The following SPATA13 variants were observed in gnomAD, a reference collection of about 807,000 sequenced individuals.
SPATA13 encodes the protein spermatogenesis-associated protein 13.
A neutral mutation model predicts 104.0 loss-of-function variants in SPATA13; 50 were observed. That is an observed-to-expected ratio of 0.48 (90% CI 0.38 to 0.61). SPATA13 has a LOEUF of 0.61. Ranked by LOEUF, SPATA13 falls within the 20% of genes least tolerant of loss-of-function variation. SPATA13 has a pLI of 0.00. For synonymous variants in SPATA13, 606 were observed against 667.5 expected, an observed-to-expected ratio of 0.91 and a Z score of 1.42; for missense variants, 1,524 against 1,690.6, an observed-to-expected ratio of 0.90 and a Z score of 1.73.
At chr13:24,295,368 T>C (rs1876696025) in intron 10 of SPATA13, among the ~76,000 whole-genome samples, 1 of 152,138 alleles carries the variant, frequency 6.6e-6, no homozygotes, top group Non-Finnish European at 1.5e-5. Flanking sequence ...CCCAGCACTT[T>C]GGGAGGCCAA....
chr13:24,110,846 G>C (rs1281547349), intron 3 of SPATA13, among the ~76,000 whole-genome samples: 4 of 152,152 alleles, frequency 2.6e-5, no homozygotes, highest in African/African-American at 4.8e-5. Flanking sequence ...TAAACACCAA[G>C]GTTTTTGGAC....
chr13:24,201,851 C>G (rs1168038769), intron 1 of SPATA13, among the ~76,000 whole-genome samples: 1 of 152,182 alleles, frequency 6.6e-6, no homozygotes, highest in Non-Finnish European at 1.5e-5. Context: ...TGTGCTTCAC[C>G]TGTTCACTTC....
At chr13:24,007,349 G>A (rs1016358475) in intron 2 of SPATA13, among the ~76,000 whole-genome samples, 1 of 152,228 alleles carries the variant, frequency 6.6e-6, no homozygotes, top group African/African-American at 2.4e-5. Flanking sequence ...GTGAGTGGGT[G>A]TCATGTCTGT....
intron 3 of SPATA13, among the ~76,000 whole-genome samples, chr13:24,127,762 T>TGA (rs1330373445): frequency 3.3e-5 from 5 of 152,222 alleles, no homozygotes; most frequent in Admixed American, 1.3e-4. Flanking sequence ...TACTGACTTG[T>TGA]GAGCAAGTTT....
chr13:24,064,081 C>T (rs543058209), intron 3 of SPATA13, among the ~76,000 whole-genome samples: 15 of 152,314 alleles, frequency 9.8e-5, no homozygotes, highest in African/African-American at 3.6e-4. Flanking sequence ...TGCCTGCCTA[C>T]CCTTCCAGCA....
chr13:24,304,447 G>A lies in SPATA13; in HGVS notation c.*1674G>A, dbSNP rs1322685485. 1 of 151,678 alleles carries A rather than the reference G, an allele frequency of 6.6e-6. No homozygotes were observed. Among genetic ancestry groups the A allele is most frequent in the Non-Finnish European group, 1.5e-5 (1 of 67,986 alleles). 9.4% of individuals were successfully genotyped at this position (151,678 alleles called of 1,614,324 possible). A position where few individuals can be genotyped will look rare whatever the true frequency, so the allele number is the denominator to read the frequency against. On this transcript the variant is annotated 3_prime_UTR_variant, in exon 13 of 13. Transcript: ENST00000382108. ...CTATATGAGAAGCTCATTTTTGTAT[G>A]CTATCCCTGCAGTTTTTTTTTTTCT...
intron 3 of SPATA13, among the ~76,000 whole-genome samples, chr13:24,061,460 A>C (rs1878769057): frequency 6.6e-6 from 1 of 152,242 alleles, no homozygotes; most frequent in Non-Finnish European, 1.5e-5. Context: ...GAGACATGGA[A>C]TCAATCTAAA....
At chr13:24,165,161 C>T (rs1488280832) in intron 1 of SPATA13, among the ~76,000 whole-genome samples, 1 of 152,188 alleles carries the variant, frequency 6.6e-6, no homozygotes, top group African/African-American at 2.4e-5. Context: ...GACCTGACTT[C>T]TTGGTGAGCA....
At chr13:24,299,205 C>T (rs1055269303) in intron 11 of SPATA13, among the ~76,000 whole-genome samples, 2 of 152,136 alleles carry the variant, frequency 1.3e-5, no homozygotes, top group African/African-American at 2.4e-5. Flanking sequence ...TTCCCAAAGA[C>T]GGCACTATTT....
At chr13:24,049,307 G>A (rs1219026933) in intron 3 of SPATA13, among the ~76,000 whole-genome samples, 1 of 152,184 alleles carries the variant, frequency 6.6e-6, no homozygotes, top group Non-Finnish European at 1.5e-5. Context: ...ACATTTGGGT[G>A]TGTTTAGATG....
chr13:24,173,118 T>C (rs866190758), intron 1 of SPATA13, among the ~76,000 whole-genome samples: 1 of 152,108 alleles, frequency 6.6e-6, no homozygotes, highest in Non-Finnish European at 1.5e-5. Flanking sequence ...TGCTCCGTCA[T>C]CCAGGCTGGA....
chr13:24,128,150 G>T (rs541132150), intron 3 of SPATA13, among the ~76,000 whole-genome samples: 35 of 152,314 alleles, frequency 2.3e-4, no homozygotes, highest in African/African-American at 8.4e-4. Context: ...TTCGGAGGAA[G>T]AAAGCACCTT....
At chr13:24,269,098 G>A (rs931162397) in intron 4 of SPATA13, among the ~76,000 whole-genome samples, 2 of 152,120 alleles carry the variant, frequency 1.3e-5, no homozygotes, top group African/African-American at 2.4e-5. Context: ...GCAGCGTGAC[G>A]GCTAACATTT....
chr13:24,160,628 C>T (rs1882428516), upstream of SPATA13: 3 of 772,420 alleles, frequency 3.9e-6, no homozygotes, highest in Non-Finnish European at 3.1e-6. Flanking sequence ...AGGGAGTGAG[C>T]TAACCGGGGG....
chr13:24,093,534 C>A (rs1879974300), intron 3 of SPATA13, among the ~76,000 whole-genome samples: 1 of 152,114 alleles, frequency 6.6e-6, no homozygotes, highest in Non-Finnish European at 1.5e-5. Context: ...TGATACACCC[C>A]AAAAACAGCT....
chr13:24,288,915 A>G, intron 7 of SPATA13, 84 bp from the exon 8 acceptor site: 7 of 1,221,196 alleles, frequency 5.7e-6, no homozygotes, highest in Non-Finnish European at 7.9e-6. Flanking sequence ...TTCCAAGTTC[A>G]TGGCTTTAGG....
chr13:24,300,290 T>A, intron 11 of SPATA13, 111 bp from the exon 12 acceptor site: 1 of 736,968 alleles, frequency 1.4e-6, no homozygotes, highest in Non-Finnish European at 2.2e-6. Context: ...TAAGGTTCTC[T>A]GTCTCAGGTT....
intron 9 of SPATA13, 139 bp from the exon 10 acceptor site, chr13:24,294,600 A>T: frequency 2.4e-6 from 2 of 843,524 alleles, no homozygotes; most frequent in Non-Finnish European, 3.3e-6. Flanking sequence ...AACAAGAAAA[A>T]GGGAAACAGT....
At chr13:24,225,578 G>T (rs1233951290) in intron 2 of SPATA13, among the ~76,000 whole-genome samples, 2 of 152,200 alleles carry the variant, frequency 1.3e-5, no homozygotes, top group Admixed American at 6.5e-5. Context: ...CCCCATTTGT[G>T]TTATATCTCC....
Sources: gnomAD v4.1 joint callset for allele counts (sites outside exome capture counted in the v4.1 genomes callset) on GRCh38, gnomAD v4.1.1 for gene constraint, MANE v1.5 for transcripts, NCBI Gene and HGNC (gene_info 2026-07-23, HGNC 2026-07-21) for gene names.